SDK1: variants seen among roughly 807,000 people sequenced by gnomAD.
SDK1 encodes the protein sidekick cell adhesion molecule 1.
SDK1 carries 157 observed loss-of-function variants against 245.5 expected under a neutral mutation model. That is an observed-to-expected ratio of 0.64 (90% CI 0.56 to 0.73). SDK1 has a LOEUF of 0.73. Among genes scored for constraint, SDK1 ranks in the 30% least tolerant of loss-of-function variants. The pLI is 0.00. For missense variants in SDK1, 3,583 were observed against 3,002.3 expected (o/e 1.19, Z -4.52); for synonymous variants, 1,647 against 1,278.5 (o/e 1.29, Z -6.15).
intron 1 of SDK1, among the ~76,000 whole-genome samples, chr7:3,579,679 G>A (rs1441387400): frequency 6.6e-6 from 1 of 151,730 alleles, no homozygotes; most frequent in African/African-American, 2.4e-5. Flanking sequence ...GCCAGTCCTG[G>A]TTGTGGAAAC....
chr7:3,589,237 A>G (rs772643940), intron 1 of SDK1, among the ~76,000 whole-genome samples: 1 of 152,144 alleles, frequency 6.6e-6, no homozygotes, highest in African/African-American at 2.4e-5. Context: ...CTTTGATGTC[A>G]GTACTGATCT....
rs1290187863 is a variant in SDK1 at position 3,974,549 on chromosome 7, A to C, written c.1994+4A>C. 6.2e-7 allele frequency: 1 copy of C among 1,613,618 alleles called. No homozygotes were observed. Among genetic ancestry groups the C allele is most frequent in the African/African-American group, 1.3e-5 (1 of 74,898 alleles). On this transcript the variant is annotated splice_donor_region_variant and intron_variant, in intron 13 of 44. Transcript: ENST00000404826. ...GGATGGCCCGGCTGGAAGTGATGTG[A>C]GTACTGAGACGTTTGGTGTTAGCCA...
At chr7:3,810,091 A>T (rs959291884) in intron 4 of SDK1, among the ~76,000 whole-genome samples, 2 of 152,174 alleles carry the variant, frequency 1.3e-5, no homozygotes, top group Admixed American at 6.5e-5. Flanking sequence ...TTGCTATATA[A>T]ACTGAGCTGA....
intron 1 of SDK1, among the ~76,000 whole-genome samples, chr7:3,371,056 T>A (rs909217202): frequency 1.3e-5 from 2 of 152,134 alleles, no homozygotes; most frequent in African/African-American, 2.4e-5. Flanking sequence ...TGCATCCCCG[T>A]GTTTCGTGTA....
At chr7:3,602,892 A>G (rs554952320) in intron 1 of SDK1, among the ~76,000 whole-genome samples, 1 of 152,154 alleles carries the variant, frequency 6.6e-6, no homozygotes, top group Non-Finnish European at 1.5e-5. Context: ...AGCTTTCTAC[A>G]TATGGCTAGC....
At chr7:3,758,923 A>C (rs1484978067) in intron 4 of SDK1, among the ~76,000 whole-genome samples, 2 of 152,168 alleles carry the variant, frequency 1.3e-5, no homozygotes, top group Non-Finnish European at 2.9e-5. Flanking sequence ...GTGAGTTTCT[A>C]CAAGTATTTC....
intron 4 of SDK1, among the ~76,000 whole-genome samples, chr7:3,763,358 A>T (rs538140295): frequency 6.6e-6 from 1 of 152,208 alleles, no homozygotes; most frequent in Non-Finnish European, 1.5e-5. Flanking sequence ...AAACATTTTC[A>T]TACGTACAGA....
At chr7:4,047,133 T>G (rs1342643815) in intron 17 of SDK1, among the ~76,000 whole-genome samples, 2 of 152,206 alleles carry the variant, frequency 1.3e-5, no homozygotes, top group African/African-American at 2.4e-5. Flanking sequence ...GGTGCCCTTT[T>G]TAAAATTTAG....
At chr7:3,919,352 C>T (rs539050419) in intron 5 of SDK1, among the ~76,000 whole-genome samples, 7 of 151,702 alleles carry the variant, frequency 4.6e-5, no homozygotes, top group Non-Finnish European at 7.4e-5. Context: ...CTCTTTAAGT[C>T]AGGTGTTTGC....
At chr7:3,481,730 C>G (rs889392814) in intron 1 of SDK1, among the ~76,000 whole-genome samples, 1 of 152,234 alleles carries the variant, frequency 6.6e-6, no homozygotes, top group Admixed American at 6.5e-5. Context: ...CTTCCCTGCT[C>G]TTATGCCTTA....
At chr7:3,651,590 A>T (rs757777865) in intron 4 of SDK1, among the ~76,000 whole-genome samples, 3 of 152,180 alleles carry the variant, frequency 2.0e-5, no homozygotes, top group Non-Finnish European at 4.4e-5. Context: ...TAGACGTCCG[A>T]TGGAGAAAAT....
rs1292199670 is a variant in SDK1 at position 3,418,145 on chromosome 7, G to GCAAAAAAAAAAAAAAA, written c.298+116261_298+116262insCAAAAAAAAAAAAAAA. On this transcript the variant is annotated intron_variant, in intron 1 of 44. Coordinates refer to ENST00000404826, the MANE Select transcript of SDK1 (RefSeq NM_152744.4). ...GTGAAACCCGATCTCTACTAAAAAT[G>GCAAAAAAAAAAAAAAA]AAAAAAAAAAAAAAAAAAAAAAATA... Among the ~76,000 whole-genome samples, 65 of 119,710 alleles carry GCAAAAAAAAAAAAAAA rather than the reference G, an allele frequency of 5.4e-4. 5 individuals are homozygous for GCAAAAAAAAAAAAAAA. Among genetic ancestry groups the GCAAAAAAAAAAAAAAA allele is most frequent in the African/African-American group, 2.3e-3 (58 of 25,770 alleles). 78.5% of individuals were successfully genotyped at this position (119,710 alleles called of 152,430 possible). A position where few individuals can be genotyped will look rare whatever the true frequency, so the allele number is the denominator to read the frequency against.
At chr7:4,147,921 C>A (rs780742437) in intron 29 of SDK1, among the ~76,000 whole-genome samples, 2 of 152,214 alleles carry the variant, frequency 1.3e-5, no homozygotes, top group African/African-American at 4.8e-5. Flanking sequence ...ATCACAGACA[C>A]GGTCTCACAG....
chr7:4,244,157 CAG>C (rs374706029), intron 43 of SDK1, among the ~76,000 whole-genome samples: 17 of 152,312 alleles, frequency 1.1e-4, no homozygotes, highest in Non-Finnish European at 2.1e-4. Flanking sequence ...GCCTTCCCAG[CAG>C]AGTCTCCACC....
intron 1 of SDK1, among the ~76,000 whole-genome samples, chr7:3,331,165 GA>G (rs1428294692): frequency 5.3e-5 from 8 of 152,156 alleles, no homozygotes; most frequent in African/African-American, 1.9e-4. Flanking sequence ...TTGGGAGGCT[GA>G]GGCAGGAGAA....
At chr7:3,479,988 C>G (rs1209543727) in intron 1 of SDK1, among the ~76,000 whole-genome samples, 3 of 152,014 alleles carry the variant, frequency 2.0e-5, no homozygotes, top group African/African-American at 7.3e-5. Flanking sequence ...GAATAATGCC[C>G]CCTCACCTGT....
chr7:3,403,824 CATATATATATATATATATATATATAT>C (rs10650660), intron 1 of SDK1, among the ~76,000 whole-genome samples: 4,611 of 60,792 alleles, frequency 0.076, 292 homozygotes, highest in South Asian at 0.12. Context: ...AAATATCTTA[CATATATATATATATATATATATATAT>C]ATATATATAT....
chr7:3,897,155 T>G (rs1781631539), intron 5 of SDK1, among the ~76,000 whole-genome samples: 1 of 152,166 alleles, frequency 6.6e-6, no homozygotes, highest in South Asian at 2.1e-4. Context: ...GGATTACAAC[T>G]TGAGATGACA....
At chr7:3,313,627 C>G (rs1473947600) in intron 1 of SDK1, among the ~76,000 whole-genome samples, 4 of 152,102 alleles carry the variant, frequency 2.6e-5, no homozygotes, top group African/African-American at 7.2e-5. Flanking sequence ...ACTACAAGTA[C>G]TCATACTGCA....
Sources: gnomAD v4.1 joint callset for allele counts (sites outside exome capture counted in the v4.1 genomes callset) on GRCh38, gnomAD v4.1.1 for gene constraint, MANE v1.5 for transcripts, NCBI Gene and HGNC (gene_info 2026-07-23, HGNC 2026-07-21) for gene names.